Variants in TTC28 observed in about 807,000 individuals in gnomAD.
The protein encoded by TTC28 is tetratricopeptide repeat protein 28.
A neutral mutation model predicts 198.0 loss-of-function variants in TTC28; 61 were observed. The ratio of observed to expected loss-of-function variants is 0.31; its 90% CI spans 0.25 to 0.38. The LOEUF (loss-of-function observed/expected upper bound fraction) is 0.38. Ranked by LOEUF, TTC28 falls within the 10% of genes least tolerant of loss-of-function variation. The probability of loss-of-function intolerance (pLI) is 1.00; values close to 1 mark genes in which losing one functional copy is unlikely to be tolerated. For missense variants in TTC28, 2,678 were observed against 3,164.0 expected, an observed-to-expected ratio of 0.85 and a Z score of 3.69; for synonymous variants, 1,171 against 1,297.8, an observed-to-expected ratio of 0.90 and a Z score of 2.10.
chr22:28,638,143 C>A (rs1404032637), intron 1 of TTC28, among the ~76,000 whole-genome samples: 2 of 152,108 alleles, frequency 1.3e-5, no homozygotes, highest in South Asian at 4.1e-4. Flanking sequence ...ATGGACAGAT[C>A]ATCCAGACAG....
At chr22:28,076,556 A>G (rs1941177197) in intron 12 of TTC28, among the ~76,000 whole-genome samples, 1 of 152,164 alleles carries the variant, frequency 6.6e-6, no homozygotes, top group Admixed American at 6.5e-5. Flanking sequence ...ATCATGCACA[A>G]GCTGTATTCA....
At chr22:28,064,504 C>T (rs1023369277) in intron 12 of TTC28, among the ~76,000 whole-genome samples, 6 of 152,048 alleles carry the variant, frequency 3.9e-5, no homozygotes, top group African/African-American at 1.4e-4. Flanking sequence ...GACAGAAGAG[C>T]GCGGAAAACT....
At chr22:28,558,788 TGGGAGGCCAA>T (rs2049824999) in intron 2 of TTC28, among the ~76,000 whole-genome samples, 1 of 152,176 alleles carries the variant, frequency 6.6e-6, no homozygotes, top group Non-Finnish European at 1.5e-5. Flanking sequence ...CCCAGCACTT[TGGGAGGCCAA>T]GACAGGCGAA....
At chr22:28,003,404 T>C (rs1411661089) in intron 14 of TTC28, among the ~76,000 whole-genome samples, 1 of 152,170 alleles carries the variant, frequency 6.6e-6, no homozygotes, top group Non-Finnish European at 1.5e-5. Context: ...GTGTGGGGCT[T>C]GAGCCACCTG....
intron 6 of TTC28, among the ~76,000 whole-genome samples, chr22:28,141,549 G>A (rs1242817814): frequency 6.6e-6 from 1 of 152,088 alleles, no homozygotes; most frequent in African/African-American, 2.4e-5. Context: ...CATGATCTGG[G>A]TGGTATGATT....
At chr22:28,204,003 C>T (rs1370573037) in intron 5 of TTC28, among the ~76,000 whole-genome samples, 38 of 152,162 alleles carry the variant, frequency 2.5e-4, no homozygotes, top group Admixed American at 2.5e-3. Context: ...ACTCCTTATA[C>T]CTACCTCTGC....
chr22:28,285,945 T>C (rs998302861), intron 5 of TTC28, among the ~76,000 whole-genome samples: 2 of 151,910 alleles, frequency 1.3e-5, no homozygotes, highest in African/African-American at 4.8e-5. Flanking sequence ...TAGTACACAG[T>C]ACAAAACAAT....
At chr22:28,097,400 CACTT>C (rs1160791515) in intron 10 of TTC28, among the ~76,000 whole-genome samples, 1 of 152,202 alleles carries the variant, frequency 6.6e-6, no homozygotes, top group Non-Finnish European at 1.5e-5. Flanking sequence ...GGCTCCAACA[CACTT>C]TTTTCCTTAT....
chr22:28,318,696 GCAGT>G (rs2045393520), intron 2 of TTC28, among the ~76,000 whole-genome samples: 1 of 151,938 alleles, frequency 6.6e-6, no homozygotes. Context: ...GTATTGAGAG[GCAGT>G]CATTTTTCTT....
intron 2 of TTC28, among the ~76,000 whole-genome samples, chr22:28,520,555 C>A (rs886689217): frequency 6.6e-6 from 1 of 152,160 alleles, no homozygotes; most frequent in Non-Finnish European, 1.5e-5. Context: ...ACAGCCTGGG[C>A]ACCATCAAGT....
chr22:28,323,371 A>C (rs895947137), intron 2 of TTC28, among the ~76,000 whole-genome samples: 1 of 152,256 alleles, frequency 6.6e-6, no homozygotes, highest in African/African-American at 2.4e-5. Flanking sequence ...AACGGAATTC[A>C]AGATAACACA....
chr22:28,336,024 A>ATT (rs2045710442), intron 2 of TTC28, among the ~76,000 whole-genome samples: 2 of 152,126 alleles, frequency 1.3e-5, no homozygotes, highest in African/African-American at 4.8e-5. Context: ...TCAATACCTA[A>ATT]TTTATTGAGA....
chr22:28,082,260 T>C (rs1941394551), intron 12 of TTC28, among the ~76,000 whole-genome samples: 1 of 152,224 alleles, frequency 6.6e-6, no homozygotes, highest in South Asian at 2.1e-4. Context: ...CTTATTTAAT[T>C]GCTCTGGCTA....
intron 6 of TTC28, among the ~76,000 whole-genome samples, chr22:28,149,502 AG>A (rs573657078): frequency 6.6e-6 from 1 of 152,264 alleles, no homozygotes; most frequent in Non-Finnish European, 1.5e-5. Flanking sequence ...AGCCGGGCAC[AG>A]AAAGACAAAT....
At chr22:28,135,419 T>C (rs1943176529) in intron 6 of TTC28, among the ~76,000 whole-genome samples, 1 of 152,220 alleles carries the variant, frequency 6.6e-6, no homozygotes, top group African/African-American at 2.4e-5. Context: ...GACTTACACA[T>C]AGCTTTGAAT....
intron 2 of TTC28, among the ~76,000 whole-genome samples, chr22:28,407,360 G>T (rs1407101901): frequency 6.6e-6 from 1 of 151,984 alleles, no homozygotes; most frequent in African/African-American, 2.4e-5. Flanking sequence ...TTTCTCCAAG[G>T]CTCTACTGAA....
In TTC28 at chr22:28,218,302, A is replaced by C. The variant is rs565003094; in HGVS notation, c.934-54703T>G. ...GGCTACAGATCTTCCAAATGTTGAC[A>C]ATTTCATTATACAATATCAAAAACT... On this transcript the variant is annotated intron_variant, in intron 5 of 22. Transcript: ENST00000397906. 2.0e-5 allele frequency among the ~76,000 whole-genome samples: 3 copies of C among 152,284 alleles called. No homozygotes were observed. The South Asian group carries it at 6.2e-4, about 32-fold the overall frequency.
chr22:28,296,374 A>G, intron 4 of TTC28, 46 bp from the exon 5 acceptor site: 2 of 1,455,578 alleles, frequency 1.4e-6, no homozygotes, highest in South Asian at 3.0e-5. Context: ...TCTCTAAGTT[A>G]TAATGTTATT....
chr22:28,652,030 G>C (rs550132548), intron 1 of TTC28, among the ~76,000 whole-genome samples: 1 of 151,686 alleles, frequency 6.6e-6, no homozygotes, highest in South Asian at 2.1e-4. Context: ...AGTAGAGACA[G>C]GGTTTCACCA....
Sources: gnomAD v4.1 joint callset for allele counts (sites outside exome capture counted in the v4.1 genomes callset) on GRCh38, gnomAD v4.1.1 for gene constraint, MANE v1.5 for transcripts, NCBI Gene and HGNC (gene_info 2026-07-23, HGNC 2026-07-21) for gene names.